The following LDLRAD4 variants were observed in gnomAD, a reference collection of about 807,000 sequenced individuals.
LDLRAD4 encodes low-density lipoprotein receptor class A domain-containing protein 4.
In LDLRAD4, 5 loss-of-function variants were observed where a neutral mutation model predicts 17.0. That is an observed-to-expected ratio of 0.29 (90% confidence interval 0.15 to 0.62). The LOEUF (loss-of-function observed/expected upper bound fraction) is 0.62, where lower values mean the gene tolerates loss of function less well. Among genes scored for constraint, LDLRAD4 ranks in the 20% least tolerant of loss-of-function variants. The probability of loss-of-function intolerance (pLI) is 0.84; values close to 1 mark genes in which losing one functional copy is unlikely to be tolerated. For synonymous variants in LDLRAD4, 168 were observed against 171.8 expected (o/e 0.98, Z 0.17); for missense variants, 340 against 424.7 (o/e 0.80, Z 1.75).
At chr18:13,269,000 A>G (rs1365502552) in intron 1 of LDLRAD4, among the ~76,000 whole-genome samples, 2 of 152,336 alleles carry the variant, frequency 1.3e-5, no homozygotes, top group Admixed American at 6.5e-5. Flanking sequence ...GATTAACTTT[A>G]GGGTTTTTGT....
intron 1 of LDLRAD4, among the ~76,000 whole-genome samples, chr18:13,308,614 A>G (rs1171203993): frequency 6.6e-6 from 1 of 152,220 alleles, no homozygotes; most frequent in African/African-American, 2.4e-5. Context: ...AAGGTGAGAA[A>G]TGGTATCTAA....
intron 3 of LDLRAD4, among the ~76,000 whole-genome samples, chr18:13,483,291 C>G (rs2093139172): frequency 6.6e-6 from 1 of 152,218 alleles, no homozygotes; most frequent in Non-Finnish European, 1.5e-5. Context: ...GAGTTTCTCA[C>G]TGTGTTCTTG....
At chr18:13,259,685 A>C (rs558053344) in intron 1 of LDLRAD4, among the ~76,000 whole-genome samples, 18 of 151,758 alleles carry the variant, frequency 1.2e-4, no homozygotes, top group African/African-American at 2.4e-4. Flanking sequence ...CCTATAATCC[A>C]TCCCTCCCTC....
intron 1 of LDLRAD4, among the ~76,000 whole-genome samples, chr18:13,370,715 T>TTTTTTTTTTTTTTG (rs1555663256): frequency 0.18 from 21,072 of 119,988 alleles, 2,150 homozygotes; most frequent in South Asian, 0.23. Context: ...TTTGTTTTGT[T>TTTTTTTTTTTTTTG]TTTTTTTTTT....
At chr18:13,472,965 C>T (rs989767496) in intron 3 of LDLRAD4, among the ~76,000 whole-genome samples, 1 of 152,156 alleles carries the variant, frequency 6.6e-6, no homozygotes, top group South Asian at 2.1e-4. Flanking sequence ...CTCATCATCT[C>T]AGTATGTCAT....
At chr18:13,554,554 C>A (rs1332713403) in intron 3 of LDLRAD4, among the ~76,000 whole-genome samples, 1 of 151,974 alleles carries the variant, frequency 6.6e-6, no homozygotes, top group Non-Finnish European at 1.5e-5. Context: ...CCTGGCTCTC[C>A]GTATGAATAC....
intron 3 of LDLRAD4, among the ~76,000 whole-genome samples, chr18:13,594,242 T>C (rs1245497455): frequency 6.6e-6 from 1 of 152,158 alleles, no homozygotes. Context: ...AGGAGATGGC[T>C]TGTGGCTTTT....
At chr18:13,515,931 G>A (rs2027682) in intron 3 of LDLRAD4, 47,010 of 151,926 alleles carry the variant, frequency 0.31, 7,703 homozygotes, top group Middle Eastern at 0.5. Context: ...TCCCACCTCA[G>A]CTTCCCAAGT....
intron 1 of LDLRAD4, among the ~76,000 whole-genome samples, chr18:13,245,501 C>T (rs373123796): frequency 2.0e-5 from 3 of 152,148 alleles, no homozygotes; most frequent in Non-Finnish European, 2.9e-5. Context: ...TATGTGAAAC[C>T]GAGGATCGGG....
intron 1 of LDLRAD4, among the ~76,000 whole-genome samples, chr18:13,265,143 T>C (rs1436617203): frequency 1.3e-5 from 2 of 152,148 alleles, no homozygotes; most frequent in Non-Finnish European, 2.9e-5. Flanking sequence ...CCTTCAATTC[T>C]CAACATTTCT....
Position 13,473,638 on chromosome 18 carries a change from T to G in LDLRAD4, c.181+35254T>G, listed in dbSNP as rs917996078. ...GGCAGCACAGTAAGATCCCATCTCA[T>G]ATATATATATATATATATATATATA... On this transcript the variant is annotated intron_variant, in intron 3 of 5. Transcript: ENST00000359446. Among the ~76,000 whole-genome samples the G allele has an allele frequency of 3.8e-4, 12 of 31,444 alleles. No homozygotes were observed. In the East Asian group the frequency reaches 8.1e-3, roughly 21 times the overall value. The allele number at this position is 31,444 out of a possible 152,430, so 20.6% of individuals were successfully genotyped here.
chr18:13,269,371 A>G (rs550226253), intron 1 of LDLRAD4, among the ~76,000 whole-genome samples: 112 of 152,350 alleles, frequency 7.4e-4, no homozygotes, highest in Non-Finnish European at 1.2e-3. Context: ...GTAATTTTTT[A>G]AAACACTGGC....
At chr18:13,377,392 T>G (rs1238517866) in intron 1 of LDLRAD4, among the ~76,000 whole-genome samples, 1 of 152,238 alleles carries the variant, frequency 6.6e-6, no homozygotes, top group Non-Finnish European at 1.5e-5. Context: ...CAAGTCATTC[T>G]TGGAAAGGCT....
intron 4 of LDLRAD4, among the ~76,000 whole-genome samples, chr18:13,625,318 G>C (rs2041032341): frequency 6.6e-6 from 1 of 152,222 alleles, no homozygotes; most frequent in South Asian, 2.1e-4. Context: ...TGGAAGCCTG[G>C]AGAGTGGAGG....
intron 4 of LDLRAD4, chr18:13,642,244 C>T: frequency 1.0e-6 from 1 of 986,812 alleles, no homozygotes; most frequent in Non-Finnish European, 1.2e-6. Flanking sequence ...GCGCCGGGGC[C>T]GTCGGAGGCT....
At chr18:13,554,583 G>A (rs1403901634) in intron 3 of LDLRAD4, among the ~76,000 whole-genome samples, 2 of 151,694 alleles carry the variant, frequency 1.3e-5, no homozygotes, top group Non-Finnish European at 2.9e-5. Flanking sequence ...CTAAGACTCG[G>A]GGTCCAAAGA....
intron 3 of LDLRAD4, among the ~76,000 whole-genome samples, chr18:13,463,494 T>C (rs2092510141): frequency 6.6e-6 from 1 of 152,248 alleles, no homozygotes; most frequent in Non-Finnish European, 1.5e-5. Context: ...TCAAACAGGC[T>C]TAAAAACAGT....
chr18:13,651,708 G>A (rs193133915), exon 6 of LDLRAD4: 6 of 152,260 alleles, frequency 3.9e-5, no homozygotes, highest in African/African-American at 9.6e-5. Flanking sequence ...GCATCCTTTC[G>A]AGTGTTGTCC....
intron 3 of LDLRAD4, among the ~76,000 whole-genome samples, chr18:13,452,955 T>C (rs1451514424): frequency 6.6e-6 from 1 of 151,878 alleles, no homozygotes; most frequent in Non-Finnish European, 1.5e-5. Context: ...CGGGGGATGC[T>C]ACATGGAATG....
Sources: gnomAD v4.1 joint callset for allele counts (sites outside exome capture counted in the v4.1 genomes callset) on GRCh38, gnomAD v4.1.1 for gene constraint, MANE v1.5 for transcripts, NCBI Gene and HGNC (gene_info 2026-07-23, HGNC 2026-07-21) for gene names.